Variants in PRKACA observed in about 807,000 individuals in gnomAD.
The protein encoded by PRKACA is cAMP-dependent protein kinase catalytic subunit alpha.
In PRKACA, 9 loss-of-function variants were observed where a neutral mutation model predicts 45.8. The observed-to-expected ratio is 0.20, with a 90% CI of 0.12 to 0.34. The LOEUF is 0.34. Among genes scored for constraint, PRKACA ranks in the 10% least tolerant of loss-of-function variants. The pLI, the probability that PRKACA is intolerant of heterozygous loss-of-function variation, is 1.00. For synonymous variants in PRKACA, 160 were observed against 178.6 expected, an observed-to-expected ratio of 0.90 and a Z score of 0.83; for missense variants, 238 against 458.6, an observed-to-expected ratio of 0.52 and a Z score of 4.39.
Position 14,093,806 on chromosome 19 carries a change from T to C in PRKACA, c.766-14A>G. ...AGGGAAGCGCACCTGGAGGAAGGGG[T>C]ACAAGGACAGGGTGGGAAGCTGGTC... On this transcript the variant is annotated splice_polypyrimidine_tract_variant and intron_variant, in intron 8 of 9. Coordinates refer to ENST00000308677, the MANE Select transcript of PRKACA (RefSeq NM_002730.4). 1 of 1,606,814 alleles carries C rather than the reference T, an allele frequency of 6.2e-7. No homozygotes were observed. The highest frequency in any genetic ancestry group is 1.1e-5 in the South Asian group (1 of 90,160).
intron 3 of PRKACA, 22 bp from the exon 4 acceptor site, chr19:14,102,936 G>C (rs752800079): frequency 1.9e-6 from 3 of 1,588,906 alleles, no homozygotes; most frequent in South Asian, 1.1e-5. Flanking sequence ...AGGAGGGGAG[G>C]GCAGAAAGGA....
intron 1 of PRKACA, among the ~76,000 whole-genome samples, chr19:14,111,023 CT>C (rs1303090657): frequency 6.6e-6 from 1 of 152,224 alleles, no homozygotes; most frequent in Non-Finnish European, 1.5e-5. Flanking sequence ...CCCACATGGC[CT>C]TGTGGGGAGC....
Position 14,093,307 on chromosome 19 carries a change from A to G in PRKACA, c.931-70T>C. The G allele has an allele frequency of 2.6e-6, 4 of 1,554,596 alleles. No individual in the cohort carries two copies. The Middle Eastern group carries it at 6.8e-4, about 266-fold the overall frequency. ...ATCATTATTACAACAATAAATGCGA[A>G]TGGCCTAACATTCAAGAGATATTTA... On this transcript the variant is annotated intron_variant, in intron 9 of 9. Coordinates refer to ENST00000308677, the MANE Select transcript of PRKACA (RefSeq NM_002730.4).
chr19:14,117,529 C>A lies in PRKACA; in HGVS notation c.19G>T (p.Ala7Ser). MGNAAA[A>S]KKGSEQESVK... is the part of the protein sequence containing the mutation. ...CTCTCCTGCTCGCTGCCCTTCTTGG[C>A]GGCGGCGGCGTTGCCCATCGCGGCG... is the stretch of plus-strand genomic sequence containing the variant. The change falls in exon 1 of 10, where the codon GCC (alanine) becomes TCC (serine). Residue 7 changes from alanine to serine, a missense_variant. Coordinates refer to ENST00000308677, the MANE Select transcript of PRKACA (RefSeq NM_002730.4). The A allele has an allele frequency of 1.6e-6, 2 of 1,223,960 alleles. No individual in the cohort carries two copies. The highest frequency in any genetic ancestry group is 2.0e-6 in the Non-Finnish European group (2 of 979,494). The allele number at this position is 1,223,960 out of a possible 1,614,324, so 75.8% of individuals were successfully genotyped here. A position where few individuals can be genotyped will look rare whatever the true frequency, so the allele number is the denominator to read the frequency against.
At chr19:14,093,557 T>C in intron 9 of PRKACA, 71 bp downstream of exon 9, 1 of 1,525,152 alleles carries the variant, frequency 6.6e-7, no homozygotes. Flanking sequence ...TCTCTATTTC[T>C]CTATTGGCTG....
At chr19:14,109,965 A>AAAAAAT (rs1568537449) in intron 1 of PRKACA, among the ~76,000 whole-genome samples, 3 of 23,772 alleles carry the variant, frequency 1.3e-4, no homozygotes, top group Non-Finnish European at 1.7e-4. Flanking sequence ...AAAAAAAAAA[A>AAAAAAT]ATATATATAT....
At chr19:14,095,294 C>T (rs1394156026) in intron 8 of PRKACA, among the ~76,000 whole-genome samples, 1 of 151,822 alleles carries the variant, frequency 6.6e-6, no homozygotes, top group Non-Finnish European at 1.5e-5. Context: ...CCTCAGACTC[C>T]TGAGTAGCTG....
At chr19:14,106,691 T>C in intron 3 of PRKACA, 69 bp downstream of exon 3, 1 of 1,600,642 alleles carries the variant, frequency 6.2e-7, no homozygotes, top group Non-Finnish European at 8.5e-7. Context: ...GATAGGGCAC[T>C]CTAAGGAGTG....
At chr19:14,114,544 G>T (rs1334401142) in intron 1 of PRKACA, among the ~76,000 whole-genome samples, 1 of 151,872 alleles carries the variant, frequency 6.6e-6, no homozygotes, top group East Asian at 1.9e-4. Context: ...TTGTGTCCTG[G>T]GGATCGGGGG....
chr19:14,097,616 G>A lies in PRKACA; in HGVS notation c.605C>T (p.Thr202Ile). 1 of 1,612,798 alleles carries A rather than the reference G, an allele frequency of 6.2e-7. No homozygotes were observed. The highest frequency in any genetic ancestry group is 8.5e-7 in the Non-Finnish European group (1 of 1,179,218). ...VKGRTWTLCGTPEYLAPEIIL... is the reference protein window; with the variant it reads ...VKGRTWTLCGIPEYLAPEIIL... ...AATCTCAGGGGCCAGGTACTCAGGG[G>A]TGCCGCACAAGGTCCAAGTGCGGCC... The change falls in exon 7 of 10, where the codon ACC (threonine) becomes ATC (isoleucine). Residue 202 changes from threonine (T) to isoleucine (I), a missense_variant. Around this residue, in one of 3 missense-constraint regions of PRKACA, gnomAD observed 94 missense variants for 240.9 expected, o/e 0.39. Transcript: ENST00000308677. This position sits in a 1 kb window ranked among gnomAD's most constrained non-coding sequence, Gnocchi z 5.4.
intron 1 of PRKACA, among the ~76,000 whole-genome samples, chr19:14,109,995 T>TACAC (rs1259209997): frequency 2.5e-5 from 2 of 79,618 alleles, no homozygotes; most frequent in African/African-American, 1.4e-4. Flanking sequence ...TATATATATA[T>TACAC]ATATACACAC....
At chr19:14,108,162 G>A (rs1977668031) in intron 1 of PRKACA, 2 of 985,372 alleles carry the variant, frequency 2.0e-6, no homozygotes, top group South Asian at 4.7e-5. Flanking sequence ...CAGCAAAGTG[G>A]CTAAGGGCCA....
At chr19:14,109,650 G>A (rs1246277905) in intron 1 of PRKACA, among the ~76,000 whole-genome samples, 1 of 149,110 alleles carries the variant, frequency 6.7e-6, no homozygotes, top group Admixed American at 6.7e-5. Context: ...AGAAAATATG[G>A]GGAGCGATCG....
At chr19:14,099,865 C>T (rs1369565275) in intron 5 of PRKACA, among the ~76,000 whole-genome samples, 2 of 151,982 alleles carry the variant, frequency 1.3e-5, no homozygotes, top group African/African-American at 2.4e-5. Flanking sequence ...TTTTTTGAGA[C>T]GGAGTCTCGC....
chr19:14,117,204 G>T (rs1029464956), intron 1 of PRKACA, among the ~76,000 whole-genome samples: 4 of 151,092 alleles, frequency 2.6e-5, no homozygotes, highest in African/African-American at 9.7e-5. Flanking sequence ...GAAAGGAGGG[G>T]GTAGGCTGGT....
intron 5 of PRKACA, among the ~76,000 whole-genome samples, chr19:14,098,649 C>T (rs1468093207): frequency 6.6e-6 from 1 of 151,526 alleles, no homozygotes; most frequent in South Asian, 2.1e-4. Context: ...GTGTGCACCA[C>T]CACGCCCGGC....
At chr19:14,116,667 C>G (rs1967112867) in intron 1 of PRKACA, among the ~76,000 whole-genome samples, 1 of 152,020 alleles carries the variant, frequency 6.6e-6, no homozygotes, top group Non-Finnish European at 1.5e-5. Flanking sequence ...CTGCCACCAC[C>G]CCCTTACCCC....
chr19:14,115,223 T>A (rs1967083235), intron 1 of PRKACA: 1 of 561,558 alleles, frequency 1.8e-6, no homozygotes, highest in Admixed American at 6.3e-5. Context: ...CTGTATTTAA[T>A]GCGTATCAGA....
chr19:14,114,225 T>C (rs1387407223), intron 1 of PRKACA: 1 of 1,577,308 alleles, frequency 6.3e-7, no homozygotes, highest in Non-Finnish European at 8.6e-7. Flanking sequence ...GCCGTGTCTG[T>C]TCGGCTGTCT....
Sources: allele counts gnomAD v4.1 joint callset (sites outside exome capture counted in the v4.1 genomes callset), GRCh38; gene constraint gnomAD v4.1.1; regional missense constraint gnomAD v4.1.1; non-coding constraint Gnocchi (gnomAD v3.1); transcripts MANE v1.5; gene names NCBI Gene and HGNC (gene_info 2026-07-23, HGNC 2026-07-21).